Variants in B4GALT1 observed in about 807,000 individuals in gnomAD.
B4GALT1 encodes beta-1,4-galactosyltransferase 1.
B4GALT1 carries 16 observed loss-of-function variants against 34.9 expected under a neutral mutation model. That is an observed-to-expected ratio of 0.46 (90% CI 0.31 to 0.70). The LOEUF is 0.70. Ranked by LOEUF, B4GALT1 falls within the 30% of genes least tolerant of loss-of-function variation. B4GALT1 has a pLI of 0.05. For synonymous variants in B4GALT1, 221 were observed against 218.1 expected (o/e 1.01, Z -0.12); for missense variants, 445 against 530.5 (o/e 0.84, Z 1.58).
upstream of B4GALT1, among the ~76,000 whole-genome samples, chr9:33,171,765 G>A (rs139906441): frequency 0.013 from 1,949 of 152,228 alleles, 13 homozygotes; most frequent in Non-Finnish European, 0.019. Flanking sequence ...ATATTGCTCA[G>A]GCTAGTCTCG....
intron 3 of B4GALT1, among the ~76,000 whole-genome samples, chr9:33,116,563 C>G (rs1213449914): frequency 2.1e-5 from 3 of 141,764 alleles, no homozygotes; most frequent in African/African-American, 7.7e-5. Context: ...CTCTGTAGCC[C>G]AGGCTGGAGT....
intron 1 of B4GALT1, among the ~76,000 whole-genome samples, chr9:33,150,658 T>C (rs920182549): frequency 1.3e-5 from 2 of 152,136 alleles, no homozygotes; most frequent in African/African-American, 2.4e-5. Flanking sequence ...ATTGTGGTGG[T>C]AGATACACAA....
At chr9:33,168,389 T>A (rs1840804048), upstream of B4GALT1, among the ~76,000 whole-genome samples, 1 of 152,158 alleles carries the variant, frequency 6.6e-6, no homozygotes. Flanking sequence ...AGAGAAAGAC[T>A]CATGGAGGTG....
At chr9:33,163,773 C>G (rs150579789) in intron 1 of B4GALT1, among the ~76,000 whole-genome samples, 328 of 152,330 alleles carry the variant, frequency 2.2e-3, no homozygotes, top group East Asian at 0.015. Flanking sequence ...TGCCGCATGG[C>G]CCCGCTGAGG....
At chr9:33,158,744 C>A (rs775602414) in intron 1 of B4GALT1, among the ~76,000 whole-genome samples, 1 of 152,214 alleles carries the variant, frequency 6.6e-6, no homozygotes, top group Non-Finnish European at 1.5e-5. Flanking sequence ...CCTCAGTACC[C>A]TCAAAGCACC....
chr9:33,125,383 G>A (rs1055378458), intron 2 of B4GALT1, among the ~76,000 whole-genome samples: 1 of 152,228 alleles, frequency 6.6e-6, no homozygotes, highest in African/African-American at 2.4e-5. Flanking sequence ...GAAGGGTTAG[G>A]TGCTTGTTAA....
exon 3 of B4GALT1, chr9:33,104,543 G>T: frequency 2.9e-6 from 1 of 342,560 alleles, no homozygotes; most frequent in Non-Finnish European, 5.7e-6. Flanking sequence ...CATTTGTCTC[G>T]AGAACAGGTA....
chr9:33,120,535 G>C lies in B4GALT1; in HGVS notation c.720C>G (p.Asp240Glu). 1.9e-6 allele frequency: 3 copies of C among 1,614,232 alleles called. No homozygotes were observed. Among genetic ancestry groups the C allele is most frequent in the Non-Finnish European group, 2.5e-6 (3 of 1,180,044 alleles). The change falls in exon 3 of 6, where the codon GAC (aspartate) becomes GAG (glutamate). Residue 240 changes from aspartate to glutamate, a missense_variant. Transcript: ENST00000379731. ...VGFQEALKDYDYTCFVFSDVD... is the reference protein window; with the variant it reads ...VGFQEALKDYEYTCFVFSDVD... ...CGTCACTAAACACAAAGCAGGTGTA[G>C]TCATAGTCCTTCAAGGCTTCTTGAA...
At chr9:33,124,182 G>C (rs1564039671) in intron 2 of B4GALT1, among the ~76,000 whole-genome samples, 1 of 152,180 alleles carries the variant, frequency 6.6e-6, no homozygotes. Flanking sequence ...CACCTTCTTT[G>C]ATAAGAAAGA....
At chr9:33,147,245 C>CTT (rs59219360) in intron 1 of B4GALT1, among the ~76,000 whole-genome samples, 18 of 136,534 alleles carry the variant, frequency 1.3e-4, no homozygotes, top group Non-Finnish European at 2.5e-4. Flanking sequence ...ACAAGTCATT[C>CTT]TTTTTTTTTT....
chr9:33,129,221 C>T (rs904857653), intron 2 of B4GALT1, among the ~76,000 whole-genome samples: 10 of 152,030 alleles, frequency 6.6e-5, no homozygotes, highest in African/African-American at 2.4e-4. Context: ...CAAAGTGAGA[C>T]CATAAAGGTG....
intron 2 of B4GALT1, among the ~76,000 whole-genome samples, chr9:33,130,385 T>C (rs1840176578): frequency 6.6e-6 from 1 of 151,562 alleles, no homozygotes; most frequent in African/African-American, 2.4e-5. Flanking sequence ...GCCGTTGAAG[T>C]TGGAATGCTA....
chr9:33,180,974 T>C, the B4GALT1 span, among the ~76,000 whole-genome samples: 1 of 152,210 alleles, frequency 6.6e-6, no homozygotes, highest in African/African-American at 2.4e-5. Flanking sequence ...AGGAATAACA[T>C]GCCATAGATT....
intron 1 of B4GALT1, among the ~76,000 whole-genome samples, chr9:33,139,793 T>G (rs574805426): frequency 2.8e-4 from 43 of 152,358 alleles, no homozygotes; most frequent in African/African-American, 1.0e-3. Flanking sequence ...GAGGGCTTCA[T>G]GACAGGCCTC....
At chr9:33,109,829 G>C (rs544303100), downstream of B4GALT1, among the ~76,000 whole-genome samples, 159 of 152,060 alleles carry the variant, frequency 1.0e-3, 1 homozygote, top group African/African-American at 3.7e-3. Context: ...TTGGTGGGGA[G>C]AAATCCCTAC....
intron 1 of B4GALT1, 78 bp from the exon 2 acceptor site, chr9:33,135,502 G>T: frequency 7.6e-7 from 1 of 1,323,226 alleles, no homozygotes; most frequent in Non-Finnish European, 1.1e-6. Context: ...AGATGGCCAG[G>T]CTGCAGCTGC....
intron 3 of B4GALT1, among the ~76,000 whole-genome samples, chr9:33,119,514 C>T (rs1217081747): frequency 6.6e-6 from 1 of 152,206 alleles, no homozygotes; most frequent in Non-Finnish European, 1.5e-5. Flanking sequence ...CCCAAGAGTT[C>T]AAGCCCAGCT....
chr9:33,162,776 G>C (rs1344069477), intron 1 of B4GALT1, among the ~76,000 whole-genome samples: 1 of 152,228 alleles, frequency 6.6e-6, no homozygotes, highest in African/African-American at 2.4e-5. Flanking sequence ...ACTGCAGGTG[G>C]AGGCGGTGCC....
rs1286457504 is a variant in B4GALT1, at chr9:33,113,029, C to A, written c.*425G>T. 1 of 255,540 alleles carries A rather than the reference C, an allele frequency of 3.9e-6. No homozygotes were observed. Among genetic ancestry groups the A allele is most frequent in the Non-Finnish European group, 7.8e-6 (1 of 128,198 alleles). 15.8% of individuals were successfully genotyped at this position (255,540 alleles called of 1,614,324 possible). On this transcript the variant is annotated 3_prime_UTR_variant, in exon 6 of 6. Coordinates refer to ENST00000379731, the MANE Select transcript of B4GALT1 (RefSeq NM_001497.4). ...TGTTTTTCTGTTAAATTACAACTAC[C>A]AAAAAGATCACACCAATCCAATTTT...
Sources: gnomAD v4.1 joint callset for allele counts (sites outside exome capture counted in the v4.1 genomes callset) on GRCh38, gnomAD v4.1.1 for gene constraint, MANE v1.5 for transcripts, NCBI Gene and HGNC (gene_info 2026-07-23, HGNC 2026-07-21) for gene names.